Variants in MKLN1 observed in about 807,000 individuals in gnomAD.
MKLN1 encodes the protein muskelin 1.
In MKLN1, 18 loss-of-function variants were observed where a neutral mutation model predicts 99.0. The ratio of observed to expected loss-of-function variants is 0.18; its 90% CI spans 0.13 to 0.27. The LOEUF (loss-of-function observed/expected upper bound fraction) is 0.27, where lower values mean the gene tolerates loss of function less well. Ranked by LOEUF, MKLN1 falls within the 10% of genes least tolerant of loss-of-function variation. The pLI is 1.00. For missense variants in MKLN1, 621 were observed against 875.9 expected (o/e 0.71, Z 3.67); for synonymous variants, 288 against 293.2 (o/e 0.98, Z 0.18).
chr7:131,190,458 TGAA>T (rs1796518552), intron 2 of MKLN1, among the ~76,000 whole-genome samples: 2 of 142,916 alleles, frequency 1.4e-5, no homozygotes, highest in South Asian at 4.6e-4. Flanking sequence ...CTTGCAGCTC[TGAA>T]AAAAAAAAAA....
rs1287371627 is a variant in MKLN1 at position 131,493,974 on chromosome 7, A to C, written c.*6246A>C. 6.6e-6 allele frequency: 1 copy of C among 152,182 alleles called. No individual in the cohort carries two copies. Among genetic ancestry groups the C allele is most frequent in the South Asian group, 2.1e-4 (1 of 4,834 alleles). The allele number at this position is 152,182 out of a possible 1,614,324, so 9.4% of individuals were successfully genotyped here. ...GGAGCCACTCAAAAAGCCAATTTTGAGCTTTATTTCTCCGTTGTTAACAAA... is the reference window on the plus strand; with the variant it reads ...GGAGCCACTCAAAAAGCCAATTTTGCGCTTTATTTCTCCGTTGTTAACAAA... On this transcript the variant is annotated 3_prime_UTR_variant, in exon 18 of 18. Coordinates refer to ENST00000352689, the MANE Select transcript of MKLN1 (RefSeq NM_013255.5).
intron 10 of MKLN1, among the ~76,000 whole-genome samples, chr7:131,438,763 C>CTA (rs1795745473): frequency 6.6e-6 from 1 of 151,708 alleles, no homozygotes. Flanking sequence ...CTTCAAAAAT[C>CTA]TATAACTCTG....
intron 12 of MKLN1, among the ~76,000 whole-genome samples, chr7:131,451,633 T>G (rs1796180867): frequency 6.6e-6 from 1 of 152,180 alleles, no homozygotes; most frequent in Non-Finnish European, 1.5e-5. Context: ...AGAAGAAAAT[T>G]ATAATTTAAA....
chr7:131,364,620 C>T (rs957932857), intron 1 of MKLN1, among the ~76,000 whole-genome samples: 1 of 152,066 alleles, frequency 6.6e-6, no homozygotes, highest in Admixed American at 6.6e-5. Flanking sequence ...CTGCTCTTCT[C>T]ATTCCTCCCA....
Position 131,295,125 on chromosome 7 carries a change from G to C in MKLN1, c.-178-80299G>C, listed in dbSNP as rs1296876612. On this transcript the variant is annotated intron_variant, in intron 3 of 7. Transcript: ENST00000416992. ...AACTGCAAAGAGACCTATTTTGCAA[G>C]AGAGCTAAGGTTTATTTTTTTTAAT... is the stretch of plus-strand genomic sequence containing the variant. Among the ~76,000 whole-genome samples, 3 of 152,284 alleles carry C rather than the reference G, an allele frequency of 2.0e-5. No individual in the cohort carries two copies. The South Asian group carries it at 6.2e-4, about 32-fold the overall frequency.
chr7:131,464,258 A>T, intron 13 of MKLN1, 36 bp from the exon 14 acceptor site: 1 of 1,300,540 alleles, frequency 7.7e-7, no homozygotes, highest in Non-Finnish European at 1.1e-6. Flanking sequence ...CTTTGCTGCT[A>T]ATTCTCTAGA....
chr7:131,368,866 A>G (rs1057134547), intron 1 of MKLN1, among the ~76,000 whole-genome samples: 2 of 152,128 alleles, frequency 1.3e-5, no homozygotes, highest in Admixed American at 1.3e-4. Flanking sequence ...TATTTTATGT[A>G]TGAATAATAT....
At chr7:131,176,043 A>C (rs1406358711) in intron 2 of MKLN1, among the ~76,000 whole-genome samples, 1 of 152,220 alleles carries the variant, frequency 6.6e-6, no homozygotes, top group Non-Finnish European at 1.5e-5. Context: ...GGAACTTACT[A>C]TATTCAGTTC....
chr7:131,390,539 C>T (rs1327876863), intron 4 of MKLN1, among the ~76,000 whole-genome samples: 1 of 152,008 alleles, frequency 6.6e-6, no homozygotes, highest in Non-Finnish European at 1.5e-5. Flanking sequence ...AATTTCCCCC[C>T]AGCTTTACTA....
At position 131,492,993 on chromosome 7, in the gene MKLN1, G is replaced by A. The variant is rs959081606; in HGVS notation, c.*5265G>A. ...ACAGCTTAAAAACACAAAAATGAAA[G>A]GGTAGTCCTAGTTTATCTTCTTAAT... On this transcript the variant is annotated 3_prime_UTR_variant, in exon 18 of 18. Transcript: ENST00000352689. 6.6e-6 allele frequency: 1 copy of A among 152,104 alleles called. No individual in the cohort carries two copies. The highest frequency in any genetic ancestry group is 2.4e-5 in the African/African-American group (1 of 41,412). 9.4% of individuals were successfully genotyped at this position (152,104 alleles called of 1,614,324 possible). A position where few individuals can be genotyped will look rare whatever the true frequency, so the allele number is the denominator to read the frequency against.
At chr7:131,160,887 C>G (rs1720698957) in intron 2 of MKLN1, among the ~76,000 whole-genome samples, 1 of 152,102 alleles carries the variant, frequency 6.6e-6, no homozygotes, top group African/African-American at 2.4e-5. Flanking sequence ...CTAAGCCTCT[C>G]TACTCAGAAG....
At chr7:131,408,712 T>G (rs1794781517) in intron 6 of MKLN1, among the ~76,000 whole-genome samples, 1 of 152,092 alleles carries the variant, frequency 6.6e-6, no homozygotes, top group African/African-American at 2.4e-5. Context: ...CCTCCTGCCT[T>G]AGCCTCCCAA....
rs193028906 is a variant in MKLN1 at position 131,486,552 on chromosome 7, A to G, written c.2087-1055A>G. On this transcript the variant is annotated intron_variant, in intron 17 of 17. Coordinates refer to ENST00000352689, the MANE Select transcript of MKLN1 (RefSeq NM_013255.5). Reference sequence around the variant, plus strand: ...CTTTTACAAGACTAAAACAGGTTGGACCTAAAATGGTACTCTAAGTTGAAT... The same window carrying G: ...CTTTTACAAGACTAAAACAGGTTGGGCCTAAAATGGTACTCTAAGTTGAAT... Among the ~76,000 whole-genome samples, 44 of 152,226 alleles carry G rather than the reference A, an allele frequency of 2.9e-4. No homozygotes were observed. The East Asian group carries it at 4.2e-3, about 15-fold the overall frequency.
chr7:131,176,652 T>C (rs1465525662), intron 2 of MKLN1, among the ~76,000 whole-genome samples: 1 of 152,240 alleles, frequency 6.6e-6, no homozygotes, highest in Non-Finnish European at 1.5e-5. Flanking sequence ...TCAGCTACTG[T>C]GCTGGCCAAT....
chr7:131,465,111 G>T (rs889429152), intron 14 of MKLN1, among the ~76,000 whole-genome samples: 1 of 151,994 alleles, frequency 6.6e-6, no homozygotes, highest in African/African-American at 2.4e-5. Flanking sequence ...AATTTAAGGA[G>T]TAAATGAATT....
intron 3 of MKLN1, among the ~76,000 whole-genome samples, chr7:131,214,706 C>T (rs574001804): frequency 2.0e-5 from 3 of 152,232 alleles, no homozygotes; most frequent in Admixed American, 6.5e-5. Flanking sequence ...TTGACCCTTT[C>T]GTTTTCTACA....
intron 3 of MKLN1, among the ~76,000 whole-genome samples, chr7:131,248,898 T>C (rs1189869033): frequency 6.6e-6 from 1 of 152,224 alleles, no homozygotes. Context: ...CAAGAATCCA[T>C]ATACATTCAA....
intron 1 of MKLN1, among the ~76,000 whole-genome samples, chr7:131,352,290 G>C (rs1340172375): frequency 6.6e-6 from 1 of 151,918 alleles, no homozygotes; most frequent in East Asian, 1.9e-4. Context: ...CTTGCTTTTT[G>C]GCATAGGAAA....
intron 10 of MKLN1, among the ~76,000 whole-genome samples, chr7:131,438,253 C>T (rs1263702205): frequency 6.6e-6 from 1 of 151,592 alleles, no homozygotes; most frequent in South Asian, 2.1e-4. Flanking sequence ...GTAGATGGAG[C>T]AATATTAGGA....
Sources: gnomAD v4.1 joint callset for allele counts (sites outside exome capture counted in the v4.1 genomes callset) on GRCh38, gnomAD v4.1.1 for gene constraint, MANE v1.5 for transcripts, NCBI Gene and HGNC (gene_info 2026-07-23, HGNC 2026-07-21) for gene names.